The following PRH1 variants were observed in gnomAD, a reference collection of about 807,000 sequenced individuals.
PRH1 encodes the protein salivary acidic proline-rich phosphoprotein 1/2.
Under a neutral mutation model 7.9 loss-of-function variants are expected in PRH1, and 7 were observed. The observed-to-expected ratio is 0.89, with a 90% confidence interval of 0.50 to 1.67. The LOEUF is 1.67. PRH1 is among the 40% of genes most tolerant of loss of function. The probability of loss-of-function intolerance (pLI) is 0.00; values close to 1 mark genes in which losing one functional copy is unlikely to be tolerated. For missense variants in PRH1, 109 were observed against 223.6 expected (o/e 0.49, Z 3.27); for synonymous variants, 45 against 80.8 (o/e 0.56, Z 2.38).
intron 1 of PRH1, among the ~76,000 whole-genome samples, chr12:11,028,022 C>T (rs1018693213): frequency 4.6e-5 from 7 of 152,284 alleles, no homozygotes; most frequent in South Asian, 4.1e-4. Flanking sequence ...CAAGGAGTGG[C>T]GGTACTGGAC....
chr12:10,882,538 AGGAGGTGGTGGACCTTGTTGCTGCTG>A lies in PRH1; in HGVS notation c.235_260del (p.Gln79SerfsTer103). 1.3e-6 allele frequency: 2 copies of A among 1,563,942 alleles called. No individual in the cohort carries two copies. The highest frequency in any genetic ancestry group is 1.7e-6 in the Non-Finnish European group (2 of 1,155,258). ...GGGGTGGTCCTTGTGGCTTTCCCTGAGGAGGTGGTGGACCTTGTTGCTGCTGGCCTCCTTGTTGGGGTGGTCCCTGC... is the reference window on the plus strand; with the variant it reads ...GGGGTGGTCCTTGTGGCTTTCCCTGAGCCTCCTTGTTGGGGTGGTCCCTGC... On this transcript the variant is annotated frameshift_variant, in exon 3 of 4. Coordinates refer to ENST00000543626, the MANE Select transcript of PRH1 (RefSeq NM_001393989.1). LOFTEE classifies it low-confidence loss of function (END_TRUNC).
At chr12:10,893,693 GTT>G (rs1169666392) in intron 2 of PRH1, among the ~76,000 whole-genome samples, 1 of 152,014 alleles carries the variant, frequency 6.6e-6, no homozygotes, top group Admixed American at 6.6e-5. Context: ...TTTTTCTAGG[GTT>G]TACTTTTTGT....
chr12:10,949,491 CT>C (rs1950537293), intron 2 of PRH1, among the ~76,000 whole-genome samples: 1 of 152,158 alleles, frequency 6.6e-6, no homozygotes. Flanking sequence ...ATTATACCTT[CT>C]TTTAAAAATT....
intron 1 of PRH1, among the ~76,000 whole-genome samples, chr12:10,987,671 A>T (rs1306441939): frequency 6.6e-6 from 1 of 151,754 alleles, no homozygotes; most frequent in Non-Finnish European, 1.5e-5. Context: ...CTATTTTCCC[A>T]GTGAAAACTG....
intron 1 of PRH1, chr12:11,046,961 C>T: frequency 4.3e-6 from 2 of 463,150 alleles, no homozygotes; most frequent in South Asian, 3.1e-5. Flanking sequence ...GAAAAGGGAG[C>T]ACATTTCTGA....
downstream of PRH1, among the ~76,000 whole-genome samples, chr12:11,119,841 A>T (rs1013991687): frequency 1.1e-4 from 17 of 152,220 alleles, no homozygotes; most frequent in Non-Finnish European, 2.2e-4. Context: ...ACTAGTTAAG[A>T]TGGAATACTG....
intron 1 of PRH1, among the ~76,000 whole-genome samples, chr12:11,109,552 A>G (rs1316230723): frequency 6.6e-6 from 1 of 152,144 alleles, no homozygotes; most frequent in Non-Finnish European, 1.5e-5. Context: ...CCTCCAGCAA[A>G]CTACAGCAGA....
At chr12:11,066,218 A>G (rs1943804598) in intron 1 of PRH1, among the ~76,000 whole-genome samples, 1 of 148,868 alleles carries the variant, frequency 6.7e-6, no homozygotes, top group Non-Finnish European at 1.5e-5. Flanking sequence ...TGTTTATAGA[A>G]CTATAACTTT....
At chr12:11,026,644 C>G (rs1340594732) in intron 1 of PRH1, among the ~76,000 whole-genome samples, 1 of 149,288 alleles carries the variant, frequency 6.7e-6, no homozygotes, top group Non-Finnish European at 1.5e-5. Flanking sequence ...GATGGTAGTC[C>G]TTTCTATAAG....
At chr12:11,147,130 A>G (rs1032007013) in intron 1 of PRH1, among the ~76,000 whole-genome samples, 3 of 149,222 alleles carry the variant, frequency 2.0e-5, no homozygotes, top group Admixed American at 1.3e-4. Context: ...CATTGACTAT[A>G]TTAATCTAGA....
intron 1 of PRH1, among the ~76,000 whole-genome samples, chr12:11,158,604 T>A (rs1223777715): frequency 6.6e-6 from 1 of 152,200 alleles, no homozygotes; most frequent in African/African-American, 2.4e-5. Flanking sequence ...GAATCAGACA[T>A]TATGTCCGGC....
At chr12:10,966,662 T>C (rs1938513366) in intron 2 of PRH1, among the ~76,000 whole-genome samples, 1 of 151,426 alleles carries the variant, frequency 6.6e-6, no homozygotes, top group Non-Finnish European at 1.5e-5. Context: ...ATATGTAATG[T>C]AGTGTTGGAG....
chr12:11,069,284 C>T (rs1463406311), intron 1 of PRH1, among the ~76,000 whole-genome samples: 2 of 152,006 alleles, frequency 1.3e-5, no homozygotes, highest in South Asian at 2.1e-4. Flanking sequence ...GTGCTATATG[C>T]CAAGATGTGT....
At chr12:11,092,193 C>T in intron 1 of PRH1, 2 of 1,335,560 alleles carry the variant, frequency 1.5e-6, no homozygotes, top group Non-Finnish European at 1.1e-6. Context: ...GTAACCACTA[C>T]CAGACTGGAA....
At chr12:10,908,096 T>C (rs1015442) in intron 2 of PRH1, 168,533 of 313,468 alleles carry the variant, frequency 0.54, 48,929 homozygotes, top group East Asian at 0.73. Flanking sequence ...AGATTTACAA[T>C]TAACATCTAA....
intron 1 of PRH1, among the ~76,000 whole-genome samples, chr12:10,999,768 A>G (rs1252933170): frequency 6.6e-6 from 1 of 152,098 alleles, no homozygotes; most frequent in Admixed American, 6.6e-5. Context: ...TCACAACCCT[A>G]AACTCCACAG....
chr12:10,884,097 A>G (rs1949452810), intron 1 of PRH1, 57 bp downstream of exon 1: 1 of 1,606,280 alleles, frequency 6.2e-7, no homozygotes, highest in Non-Finnish European at 8.5e-7. Context: ...CCTCCTCTAT[A>G]GCATTTGCCT....
At chr12:10,988,808 T>C (rs7312202) in intron 1 of PRH1, among the ~76,000 whole-genome samples, 46,242 of 151,922 alleles carry the variant, frequency 0.3, 8,901 homozygotes, top group East Asian at 0.74. Flanking sequence ...ATCATTTCCT[T>C]GATTTTCTTT....
At chr12:10,945,892 T>C (rs1950479625) in intron 2 of PRH1, among the ~76,000 whole-genome samples, 1 of 152,220 alleles carries the variant, frequency 6.6e-6, no homozygotes, top group South Asian at 2.1e-4. Flanking sequence ...TCAGTGATAT[T>C]TCTCCATTTG....
Sources: allele counts gnomAD v4.1 joint callset (sites outside exome capture counted in the v4.1 genomes callset), GRCh38; gene constraint gnomAD v4.1.1; transcripts MANE v1.5; gene names NCBI Gene and HGNC (gene_info 2026-07-23, HGNC 2026-07-21).